CEP85L: variants seen among roughly 807,000 people sequenced by gnomAD.
CEP85L encodes centrosomal protein 85L, also known as centrosomal protein of 85 kDa-like.
CEP85L carries 60 observed loss-of-function variants against 100.3 expected under a neutral mutation model. The ratio of observed to expected loss-of-function variants is 0.60; its 90% CI spans 0.49 to 0.74. The LOEUF (loss-of-function observed/expected upper bound fraction) is 0.74. CEP85L is among the 30% of genes least tolerant of loss of function. The pLI, the probability that CEP85L is intolerant of heterozygous loss-of-function variation, is 0.00. For missense variants in CEP85L, 973 were observed against 936.2 expected (o/e 1.04, Z -0.51); for synonymous variants, 319 against 322.7 (o/e 0.99, Z 0.12).
At chr6:118,662,108 A>C (rs1036224061) in intron 1 of CEP85L, among the ~76,000 whole-genome samples, 2 of 152,260 alleles carry the variant, frequency 1.3e-5, no homozygotes, top group African/African-American at 4.8e-5. Flanking sequence ...CTTGCTAAGA[A>C]AAGGGGCGAA....
intron 3 of CEP85L, among the ~76,000 whole-genome samples, chr6:118,530,931 C>A (rs1562234793): frequency 1.3e-5 from 2 of 151,604 alleles, no homozygotes; most frequent in South Asian, 4.2e-4. Flanking sequence ...GTTCATACTG[C>A]CAAAAGCAAT....
intron 2 of CEP85L, among the ~76,000 whole-genome samples, chr6:118,582,770 G>A (rs1780646069): frequency 6.6e-6 from 1 of 152,096 alleles, no homozygotes; most frequent in Non-Finnish European, 1.5e-5. Context: ...TTCAGTCGAG[G>A]GACAGCTAAT....
chr6:118,577,537 A>C (rs1227546563), intron 2 of CEP85L, among the ~76,000 whole-genome samples: 1 of 152,234 alleles, frequency 6.6e-6, no homozygotes, highest in Non-Finnish European at 1.5e-5. Flanking sequence ...GTAACTATAA[A>C]GAAAAATGTA....
chr6:118,570,234 T>C (rs1779805519), intron 2 of CEP85L, among the ~76,000 whole-genome samples: 1 of 152,234 alleles, frequency 6.6e-6, no homozygotes, highest in Non-Finnish European at 1.5e-5. Flanking sequence ...TTATTTTAAT[T>C]GCTTCCAAGG....
At chr6:118,668,609 GT>G (rs1776203501) in intron 1 of CEP85L, among the ~76,000 whole-genome samples, 1 of 152,096 alleles carries the variant, frequency 6.6e-6, no homozygotes, top group Non-Finnish European at 1.5e-5. Context: ...TGTACTTTCA[GT>G]CAACTTTTAC....
intron 2 of CEP85L, among the ~76,000 whole-genome samples, chr6:118,596,916 G>C (rs1351699785): frequency 6.6e-6 from 1 of 152,152 alleles, no homozygotes; most frequent in East Asian, 1.9e-4. Flanking sequence ...ATCTCATCTT[G>C]AATTGTAGTT....
chr6:118,482,978 A>T (rs914624504), intron 7 of CEP85L, among the ~76,000 whole-genome samples: 1 of 152,198 alleles, frequency 6.6e-6, no homozygotes. Context: ...GATAAACGAG[A>T]AGGAGCACTG....
At chr6:118,515,252 A>G (rs1458317351) in intron 4 of CEP85L, among the ~76,000 whole-genome samples, 1 of 152,180 alleles carries the variant, frequency 6.6e-6, no homozygotes, top group African/African-American at 2.4e-5. Context: ...AACTGATAAA[A>G]CAGAAAAGAA....
intron 5 of CEP85L, among the ~76,000 whole-genome samples, chr6:118,507,973 T>A (rs1409684444): frequency 2.0e-5 from 3 of 152,236 alleles, no homozygotes; most frequent in Non-Finnish European, 2.9e-5. Flanking sequence ...TCATTCACAT[T>A]TCTATTGCTA....
upstream of CEP85L, chr6:118,651,763 T>G (rs1000329294): frequency 2.7e-5 from 27 of 986,124 alleles, no homozygotes; most frequent in African/African-American, 3.1e-4. Flanking sequence ...TGGCGGCGAC[T>G]GGGCTGTCCC....
chr6:118,565,457 G>T, intron 3 of CEP85L, 72 bp downstream of exon 3: 1 of 1,370,742 alleles, frequency 7.3e-7, no homozygotes, highest in Non-Finnish European at 1.0e-6. Flanking sequence ...CTTGTTATAT[G>T]CTTACTGTAA....
At chr6:118,707,096 G>A (rs765082182) in intron 1 of CEP85L, among the ~76,000 whole-genome samples, 51 of 152,154 alleles carry the variant, frequency 3.4e-4, no homozygotes, top group Non-Finnish European at 6.3e-4. Flanking sequence ...CTCTGCCATG[G>A]ATGCCATTCC....
intron 1 of CEP85L, among the ~76,000 whole-genome samples, chr6:118,642,257 T>C (rs751039088): frequency 6.6e-6 from 1 of 152,180 alleles, no homozygotes; most frequent in Non-Finnish European, 1.5e-5. Flanking sequence ...AAACATTTGC[T>C]ATACCCTACC....
intron 1 of CEP85L, among the ~76,000 whole-genome samples, chr6:118,685,274 T>C (rs1776794585): frequency 6.6e-6 from 1 of 152,222 alleles, no homozygotes; most frequent in Non-Finnish European, 1.5e-5. Flanking sequence ...GATGTACAGA[T>C]ACTATTTTAA....
At chr6:118,572,399 A>G (rs1779953695) in intron 2 of CEP85L, among the ~76,000 whole-genome samples, 1 of 151,866 alleles carries the variant, frequency 6.6e-6, no homozygotes, top group Non-Finnish European at 1.5e-5. Context: ...ACTTAGAAAA[A>G]AACAAAAAAC....
intron 3 of CEP85L, among the ~76,000 whole-genome samples, chr6:118,549,827 T>TAC (rs1778435385): frequency 6.6e-6 from 1 of 151,896 alleles, no homozygotes; most frequent in Non-Finnish European, 1.5e-5. Flanking sequence ...CTCTAAAAAG[T>TAC]ACACATACTT....
At chr6:118,475,259 G>C (rs958163576) in intron 10 of CEP85L, among the ~76,000 whole-genome samples, 2 of 151,756 alleles carry the variant, frequency 1.3e-5, no homozygotes, top group East Asian at 1.9e-4. Flanking sequence ...TTCTAAAATT[G>C]ACTATGGTCT....
At chr6:118,514,106 G>A (rs1776127057) in intron 4 of CEP85L, among the ~76,000 whole-genome samples, 1 of 151,908 alleles carries the variant, frequency 6.6e-6, no homozygotes, top group Non-Finnish European at 1.5e-5. Flanking sequence ...AAACTCTAAA[G>A]CAATCATTAT....
intron 12 of CEP85L, among the ~76,000 whole-genome samples, chr6:118,466,878 A>C (rs1772562651): frequency 6.6e-6 from 1 of 152,120 alleles, no homozygotes; most frequent in Non-Finnish European, 1.5e-5. Context: ...ACTTAAATTA[A>C]GGCAATAGTG....
Sources: allele counts gnomAD v4.1 joint callset (sites outside exome capture counted in the v4.1 genomes callset), GRCh38; gene constraint gnomAD v4.1.1; transcripts MANE v1.5; gene names NCBI Gene and HGNC (gene_info 2026-07-23, HGNC 2026-07-21).